The following SORCS1 variants were observed in gnomAD, a reference collection of about 807,000 sequenced individuals.
SORCS1 encodes the protein VPS10 domain-containing receptor SorCS1.
In SORCS1, 60 loss-of-function variants were observed where a neutral mutation model predicts 146.1. That is an observed-to-expected ratio of 0.41 (90% CI 0.33 to 0.51). The LOEUF is 0.51. Among genes scored for constraint, SORCS1 ranks in the 20% least tolerant of loss-of-function variants. The probability of loss-of-function intolerance (pLI) is 0.21; values close to 1 mark genes in which losing one functional copy is unlikely to be tolerated. For synonymous variants in SORCS1, 637 were observed against 584.0 expected (o/e 1.09, Z -1.31); for missense variants, 1,352 against 1,487.6 (o/e 0.91, Z 1.50).
chr10:107,127,959 A>G (rs1021943898), intron 1 of SORCS1, among the ~76,000 whole-genome samples: 1 of 152,226 alleles, frequency 6.6e-6, no homozygotes, highest in Admixed American at 6.5e-5. Context: ...TAAATTGGTC[A>G]CACTTATAGT....
chr10:106,621,870 T>C (rs1390289371), intron 19 of SORCS1, among the ~76,000 whole-genome samples: 1 of 152,230 alleles, frequency 6.6e-6, no homozygotes, highest in Non-Finnish European at 1.5e-5. Context: ...TTCTCACTTA[T>C]CTTCCAGATT....
intron 3 of SORCS1, among the ~76,000 whole-genome samples, chr10:106,784,825 G>C (rs1004441626): frequency 6.6e-6 from 1 of 152,202 alleles, no homozygotes. Context: ...GAGCAGGAAA[G>C]AGAAGCTATC....
Position 106,960,665 on chromosome 10 carries a change from T to A in SORCS1, c.559-4085A>T, listed in dbSNP as rs751677805. 6.6e-6 allele frequency among the ~76,000 whole-genome samples: 1 copy of A among 152,172 alleles called. No homozygotes were observed. The highest frequency in any genetic ancestry group is 1.5e-5 in the Non-Finnish European group (1 of 68,038). On this transcript the variant is annotated intron_variant, in intron 1 of 25. Transcript: ENST00000263054. The surrounding 1 kb of genome is among the most constrained non-coding windows in gnomAD (Gnocchi z 4.4). ...ATCCACCTGACTCAGCCTCCCAAAGTGCTGGGATTACAGGCGTGAGCCACT... is the reference window on the plus strand; with the variant it reads ...ATCCACCTGACTCAGCCTCCCAAAGAGCTGGGATTACAGGCGTGAGCCACT...
intron 3 of SORCS1, among the ~76,000 whole-genome samples, chr10:106,786,276 A>G (rs1946050361): frequency 6.6e-6 from 1 of 152,210 alleles, no homozygotes; most frequent in African/African-American, 2.4e-5. Context: ...CTGAGTAGGT[A>G]GTCTCAAATC....
chr10:106,875,527 A>G (rs1409758759), intron 2 of SORCS1, among the ~76,000 whole-genome samples: 2 of 152,184 alleles, frequency 1.3e-5, no homozygotes, highest in Non-Finnish European at 2.9e-5. Flanking sequence ...CAGTTCTTTA[A>G]GGAATCTCCA....
chr10:107,092,486 T>C (rs755422544), intron 1 of SORCS1, among the ~76,000 whole-genome samples: 6 of 152,214 alleles, frequency 3.9e-5, no homozygotes, highest in Non-Finnish European at 5.9e-5. Flanking sequence ...TGACAGCTAG[T>C]GCTGCTCTAC....
chr10:106,612,938 A>G (rs1209249181), intron 21 of SORCS1, among the ~76,000 whole-genome samples: 1 of 151,956 alleles, frequency 6.6e-6, no homozygotes, highest in Non-Finnish European at 1.5e-5. Flanking sequence ...CCATGCACAA[A>G]ATATTCAAGC....
At chr10:106,876,714 A>T (rs1950600396) in intron 2 of SORCS1, among the ~76,000 whole-genome samples, 1 of 152,202 alleles carries the variant, frequency 6.6e-6, no homozygotes. Flanking sequence ...CTGTTCAGAG[A>T]TTGCTTGGGA....
intron 17 of SORCS1, among the ~76,000 whole-genome samples, chr10:106,662,674 T>A (rs1850824912): frequency 6.6e-6 from 1 of 152,188 alleles, no homozygotes; most frequent in Non-Finnish European, 1.5e-5. Flanking sequence ...ATGCAGGCAT[T>A]GGCATCTGGG....
chr10:106,607,379 G>C, intron 22 of SORCS1, 82 bp from the exon 23 acceptor site: 1 of 1,553,300 alleles, frequency 6.4e-7, no homozygotes, highest in East Asian at 2.3e-5. Flanking sequence ...GGGGGGATCA[G>C]GGGTAGGCAG....
chr10:107,033,013 A>G (rs1371290967), intron 1 of SORCS1, among the ~76,000 whole-genome samples: 1 of 152,180 alleles, frequency 6.6e-6, no homozygotes, highest in Non-Finnish European at 1.5e-5. Context: ...ACACTGCTAT[A>G]AAGAACTACC....
chr10:106,657,692 T>TG (rs1491164252), intron 17 of SORCS1, among the ~76,000 whole-genome samples: 2 of 130,354 alleles, frequency 1.5e-5, no homozygotes, highest in Admixed American at 7.5e-5. Flanking sequence ...TGTGTGTGTA[T>TG]TTTTTTCAAG....
chr10:106,981,941 C>T (rs1178734554), intron 1 of SORCS1, among the ~76,000 whole-genome samples: 1 of 152,166 alleles, frequency 6.6e-6, no homozygotes, highest in African/African-American at 2.4e-5. Context: ...ACATCCATTG[C>T]GGGTTCCTGA....
At chr10:106,861,814 G>A (rs529410970) in intron 2 of SORCS1, among the ~76,000 whole-genome samples, 105 of 152,066 alleles carry the variant, frequency 6.9e-4, no homozygotes, top group African/African-American at 2.4e-3. Flanking sequence ...ACTTGAACCT[G>A]GGAGGCAGAG....
At chr10:107,078,518 T>TGAAAACAATTCC (rs1241743707) in intron 1 of SORCS1, among the ~76,000 whole-genome samples, 1 of 152,220 alleles carries the variant, frequency 6.6e-6, no homozygotes, top group Admixed American at 6.5e-5. Flanking sequence ...TCTCTGGTGA[T>TGAAAACAATTCC]GAAAACAATT....
At chr10:106,687,264 A>G (rs1475036773) in intron 10 of SORCS1, among the ~76,000 whole-genome samples, 3 of 152,176 alleles carry the variant, frequency 2.0e-5, no homozygotes, top group Admixed American at 2.0e-4. Context: ...GTAGACTGCA[A>G]ACTCCTTGAA....
At chr10:106,892,631 A>C (rs1269648553) in intron 2 of SORCS1, among the ~76,000 whole-genome samples, 2 of 152,132 alleles carry the variant, frequency 1.3e-5, no homozygotes, top group African/African-American at 4.8e-5. Context: ...TTTTTCATGA[A>C]GTCTTCTTTA....
At chr10:107,020,847 T>G (rs1958095065) in intron 1 of SORCS1, among the ~76,000 whole-genome samples, 1 of 152,224 alleles carries the variant, frequency 6.6e-6, no homozygotes, top group Non-Finnish European at 1.5e-5. Context: ...ATATTTTTTT[T>G]CTACAGCACT....
At chr10:106,771,637 C>T (rs1369636932) in intron 4 of SORCS1, among the ~76,000 whole-genome samples, 2 of 152,112 alleles carry the variant, frequency 1.3e-5, no homozygotes, top group South Asian at 2.1e-4. Context: ...ATAATAAATG[C>T]CATGGAATTC....
Sources: gnomAD v4.1 joint callset for allele counts (sites outside exome capture counted in the v4.1 genomes callset) on GRCh38, gnomAD v4.1.1 for gene constraint, Gnocchi (gnomAD v3.1) non-coding constraint, MANE v1.5 for transcripts, NCBI Gene and HGNC (gene_info 2026-07-23, HGNC 2026-07-21) for gene names.